TMEM232: variants seen among roughly 807,000 people sequenced by gnomAD.
TMEM232 encodes the protein transmembrane protein 232.
A neutral mutation model predicts 78.8 loss-of-function variants in TMEM232; 80 were observed. That is an observed-to-expected ratio of 1.01 (90% CI 0.85 to 1.22). TMEM232 has a LOEUF of 1.22. Ranked by LOEUF, TMEM232 falls within the 50% of genes most tolerant of loss-of-function variation. The pLI is 0.00. For synonymous variants in TMEM232, 297 were observed against 254.3 expected, an observed-to-expected ratio of 1.17 and a Z score of -1.60; for missense variants, 881 against 742.2, an observed-to-expected ratio of 1.19 and a Z score of -2.17.
chr5:110,627,668 C>A, intron 6 of TMEM232, 113 bp downstream of exon 6: 1 of 742,050 alleles, frequency 1.3e-6, no homozygotes, highest in Admixed American at 3.7e-5. Flanking sequence ...AACACTGCAC[C>A]TATTATCTTT....
rs758196621 is a variant in TMEM232 at position 110,625,390 on chromosome 5, G to A, written c.645C>T (p.Ile215=). The stretch of plus-strand genomic sequence containing the variant: ...TCAGGATGAATTGCACATTTGAAAA[G>A]ATGTTTGGATACTTGTGATATGATG... ...SGASYHKYPN[I]FSNVQFILKA... Residue 215 remains isoleucine (I), a synonymous_variant, in exon 7 of 14, where the codon ATC becomes ATT. Coordinates refer to ENST00000455884, the MANE Select transcript of TMEM232 (RefSeq NM_001039763.4). The A allele has an allele frequency of 3.9e-6, 6 of 1,545,228 alleles. No individual in the cohort carries two copies. The South Asian group carries it at 7.2e-5, about 19-fold the overall frequency.
chr5:110,400,750 T>G (rs534124658), intron 2 of TMEM232, among the ~76,000 whole-genome samples: 9 of 152,082 alleles, frequency 5.9e-5, no homozygotes, highest in Non-Finnish European at 1.0e-4. Flanking sequence ...TTTTCAAGAA[T>G]AAACAGCTTC....
chr5:110,609,666 T>C (rs1437913416), intron 8 of TMEM232, among the ~76,000 whole-genome samples: 7 of 152,068 alleles, frequency 4.6e-5, no homozygotes, highest in African/African-American at 1.4e-4. Flanking sequence ...ACAGGTAAAC[T>C]ATCCAAGAGT....
chr5:110,620,923 C>T (rs898418935), intron 7 of TMEM232, among the ~76,000 whole-genome samples: 2 of 126,190 alleles, frequency 1.6e-5, no homozygotes, highest in East Asian at 2.4e-4. Context: ...AGTGTGATGG[C>T]GTGATCTTGG....
At chr5:110,482,365 G>C (rs1049770562) in intron 12 of TMEM232, among the ~76,000 whole-genome samples, 1 of 152,090 alleles carries the variant, frequency 6.6e-6, no homozygotes, top group African/African-American at 2.4e-5. Flanking sequence ...CAGATAACCT[G>C]AGGTCAGGAG....
At chr5:110,421,547 C>A (rs1482527251) in intron 13 of TMEM232, among the ~76,000 whole-genome samples, 5 of 151,726 alleles carry the variant, frequency 3.3e-5, no homozygotes, top group African/African-American at 1.2e-4. Context: ...TCCTAGTATG[C>A]AATATTGGAC....
upstream of TMEM232, among the ~76,000 whole-genome samples, chr5:110,729,175 G>A (rs1310854419): frequency 2.6e-5 from 4 of 152,148 alleles, no homozygotes; most frequent in Non-Finnish European, 4.4e-5. Context: ...GTGAGCCACC[G>A]TGCCTGGCCC....
chr5:110,552,114 G>C (rs567642368), intron 11 of TMEM232, among the ~76,000 whole-genome samples: 3 of 152,178 alleles, frequency 2.0e-5, no homozygotes, highest in East Asian at 3.9e-4. Flanking sequence ...GTTTAGAGTA[G>C]TAAAAATACA....
At chr5:110,413,847 A>T (rs1468589122) in intron 2 of TMEM232, among the ~76,000 whole-genome samples, 1 of 152,216 alleles carries the variant, frequency 6.6e-6, no homozygotes, top group East Asian at 1.9e-4. Context: ...GGGAATTATT[A>T]TTCTAAAGGG....
chr5:110,582,409 C>T (rs1778310083), intron 10 of TMEM232, among the ~76,000 whole-genome samples: 1 of 151,920 alleles, frequency 6.6e-6, no homozygotes, highest in Non-Finnish European at 1.5e-5. Flanking sequence ...AATATAGGAA[C>T]AGAAAACCAA....
downstream of TMEM232, among the ~76,000 whole-genome samples, chr5:110,418,814 G>C (rs191795705): frequency 1.2e-4 from 19 of 152,266 alleles, no homozygotes; most frequent in African/African-American, 3.9e-4. Context: ...GGAGATACCA[G>C]GTTTCTTTTA....
intron 10 of TMEM232, among the ~76,000 whole-genome samples, chr5:110,591,183 C>A (rs963901513): frequency 9.9e-5 from 15 of 152,218 alleles, no homozygotes; most frequent in African/African-American, 3.4e-4. Flanking sequence ...TGAGGCCAAG[C>A]GTGGTGTCTC....
chr5:110,627,489 C>T (rs10066911), intron 6 of TMEM232, among the ~76,000 whole-genome samples: 10,399 of 151,746 alleles, frequency 0.069, 477 homozygotes, highest in South Asian at 0.18. Flanking sequence ...ATCTATTTCA[C>T]AACATGATAA....
intron 2 of TMEM232, among the ~76,000 whole-genome samples, chr5:110,649,329 C>A (rs1456661525): frequency 6.6e-6 from 1 of 151,924 alleles, no homozygotes; most frequent in Non-Finnish European, 1.5e-5. Context: ...CAAAAGTTTT[C>A]TGAAAATGAT....
chr5:110,433,167 G>A (rs1201935287), intron 12 of TMEM232, among the ~76,000 whole-genome samples: 17 of 151,658 alleles, frequency 1.1e-4, no homozygotes, highest in Admixed American at 6.6e-5. Flanking sequence ...ACCCAACAAC[G>A]ACAGAATAGA....
At chr5:110,403,490 ATTGT>A (rs949068762) in intron 2 of TMEM232, among the ~76,000 whole-genome samples, 3 of 152,034 alleles carry the variant, frequency 2.0e-5, no homozygotes, top group African/African-American at 7.2e-5. Context: ...AACTAAAATG[ATTGT>A]TTGTCAGAGA....
At chr5:110,667,155 T>A in intron 2 of TMEM232, 73 bp downstream of exon 2, 1 of 1,273,410 alleles carries the variant, frequency 7.9e-7, no homozygotes, top group Non-Finnish European at 1.1e-6. Context: ...TGGGTGAATT[T>A]TTTTTTTCAG....
intron 1 of TMEM232, among the ~76,000 whole-genome samples, chr5:110,713,532 C>G (rs1796713458): frequency 6.6e-6 from 1 of 151,868 alleles, no homozygotes. Context: ...TATACACCTA[C>G]TATGCACCCA....
intron 11 of TMEM232, among the ~76,000 whole-genome samples, chr5:110,560,898 C>T (rs2149656567): frequency 6.6e-6 from 1 of 152,122 alleles, no homozygotes; most frequent in Non-Finnish European, 1.5e-5. Flanking sequence ...GGTTATAATC[C>T]CAACTTTAAT....
Sources: allele counts gnomAD v4.1 joint callset (sites outside exome capture counted in the v4.1 genomes callset), GRCh38; gene constraint gnomAD v4.1.1; transcripts MANE v1.5; gene names NCBI Gene and HGNC (gene_info 2026-07-23, HGNC 2026-07-21).